Variants in FTO observed in about 807,000 individuals in gnomAD.
FTO encodes the protein FTO alpha-ketoglutarate dependent dioxygenase.
Under a neutral mutation model 63.9 loss-of-function variants are expected in FTO, and 47 were observed. That is an observed-to-expected ratio of 0.74 (90% confidence interval 0.58 to 0.94). The LOEUF (loss-of-function observed/expected upper bound fraction) is 0.94. Ranked by LOEUF, FTO falls within the 40% of genes least tolerant of loss-of-function variation. The probability of loss-of-function intolerance (pLI) is 0.00; values close to 1 mark genes in which losing one functional copy is unlikely to be tolerated. For missense variants in FTO, 562 were observed against 618.1 expected, an observed-to-expected ratio of 0.91 and a Z score of 0.96; for synonymous variants, 207 against 224.4, an observed-to-expected ratio of 0.92 and a Z score of 0.69.
chr16:53,940,425 G>A (rs939819419), intron 8 of FTO, among the ~76,000 whole-genome samples: 7 of 152,180 alleles, frequency 4.6e-5, no homozygotes, highest in Admixed American at 1.3e-4. Context: ...AGCAGTGCAC[G>A]TTTCCCCGTT....
At chr16:54,093,457 A>G (rs1376013440) in intron 8 of FTO, among the ~76,000 whole-genome samples, 1 of 152,210 alleles carries the variant, frequency 6.6e-6, no homozygotes, top group Admixed American at 6.5e-5. Context: ...CAGGCCGGGC[A>G]CGGGGCAGGA....
chr16:53,900,846 C>T (rs1322199614), intron 7 of FTO, among the ~76,000 whole-genome samples: 1 of 152,014 alleles, frequency 6.6e-6, no homozygotes, highest in Non-Finnish European at 1.5e-5. Context: ...AAACACAGAC[C>T]TGCTCGCAAA....
chr16:53,921,435 A>AT lies in FTO; in HGVS notation c.1240-12548dup, dbSNP rs1356004964. Among the ~76,000 whole-genome samples, 5 of 152,294 alleles carry AT rather than the reference A, an allele frequency of 3.3e-5. No homozygotes were observed. The East Asian group carries it at 7.7e-4, about 23-fold the overall frequency. On this transcript the variant is annotated intron_variant, in intron 7 of 8. Coordinates refer to ENST00000471389, the MANE Select transcript of FTO (RefSeq NM_001080432.3). ...TAGGCCAAACATCATCAGTGGCTCA[A>AT]TTATTTCGTACTTGGTATAGTTAGC...
chr16:53,792,893 T>A (rs1160388125), intron 1 of FTO, among the ~76,000 whole-genome samples: 2 of 152,192 alleles, frequency 1.3e-5, no homozygotes, highest in African/African-American at 4.8e-5. Context: ...GGAATTTTAA[T>A]TAGTTCTGTT....
intron 3 of FTO, among the ~76,000 whole-genome samples, chr16:53,830,586 T>C (rs1598769142): frequency 2.0e-5 from 3 of 152,194 alleles, no homozygotes; most frequent in African/African-American, 7.2e-5. Flanking sequence ...TTGACATTAT[T>C]TTCCAGACCT....
chr16:53,979,535 CTGTGTGTGTGTGTGTG>C lies in FTO; in HGVS notation c.1364+45443_1364+45458del, dbSNP rs57334871. 1.1e-4 allele frequency: 41 copies of C among 373,348 alleles called. 1 individual carries two copies. The Admixed American group carries it at 1.6e-3, about 15-fold the overall frequency. The allele number at this position is 373,348 out of a possible 1,614,324, so 23.1% of individuals were successfully genotyped here. A position where few individuals can be genotyped will look rare whatever the true frequency, so the allele number is the denominator to read the frequency against. Reference sequence around the variant, plus strand: ...GATTGGATCTTTTTTATGTTTATGGCTGTGTGTGTGTGTGTGTGTGTGTGTGTGTGTGCGCGCGTGT... The same window carrying C: ...GATTGGATCTTTTTTATGTTTATGGCTGTGTGTGTGTGTGTGCGCGCGTGT... On this transcript the variant is annotated intron_variant, in intron 8 of 8. Coordinates refer to ENST00000471389, the MANE Select transcript of FTO (RefSeq NM_001080432.3).
rs150682269 is a variant in FTO, at chr16:53,841,788, A to G, written c.752-2367A>G. Among the ~76,000 whole-genome samples, 297 of 152,348 alleles carry G rather than the reference A, an allele frequency of 1.9e-3. 1 individual carries two copies. The highest frequency in any genetic ancestry group is 3.4e-3 in the Non-Finnish European group (230 of 68,036). ...ATACATGATACAGCCCAGGGAAAACATGCTTTATTGTGCATTTTGAAAGCT... is the reference window on the plus strand; with the variant it reads ...ATACATGATACAGCCCAGGGAAAACGTGCTTTATTGTGCATTTTGAAAGCT... On this transcript the variant is annotated intron_variant, in intron 3 of 8. Coordinates refer to ENST00000471389, the MANE Select transcript of FTO (RefSeq NM_001080432.3).
chr16:53,873,455 T>C (rs1034682645), intron 4 of FTO, among the ~76,000 whole-genome samples: 2 of 149,770 alleles, frequency 1.3e-5, no homozygotes, highest in South Asian at 2.1e-4. Flanking sequence ...TATGATTATA[T>C]ATATCTACTT....
chr16:53,808,399 C>T (rs1267761653), intron 1 of FTO, among the ~76,000 whole-genome samples: 1 of 152,040 alleles, frequency 6.6e-6, no homozygotes, highest in African/African-American at 2.4e-5. Context: ...TGAGAAAACA[C>T]CTATAGTCAA....
At chr16:53,816,977 A>T (rs2078710532) in intron 2 of FTO, among the ~76,000 whole-genome samples, 1 of 152,054 alleles carries the variant, frequency 6.6e-6, no homozygotes, top group Non-Finnish European at 1.5e-5. Flanking sequence ...CTTCCCAATT[A>T]TTCCCTGCTC....
chr16:53,939,460 G>A (rs1294083844), intron 8 of FTO, among the ~76,000 whole-genome samples: 1 of 152,160 alleles, frequency 6.6e-6, no homozygotes, highest in African/African-American at 2.4e-5. Context: ...CATATATAAC[G>A]TAAAATTGCA....
At position 54,111,956 on chromosome 16, in the gene FTO, C is replaced by A. The variant is rs1489246528; in HGVS notation, c.*41C>A. 3.1e-6 allele frequency: 5 copies of A among 1,610,114 alleles called. No individual in the cohort carries two copies. The African/African-American group carries it at 6.7e-5, about 22-fold the overall frequency. ...CAGGCGGAGGAGAAAAAGAGATCGGCTTTTCTCCTCCAACGTTGTCATGGG... is the reference window on the plus strand; with the variant it reads ...CAGGCGGAGGAGAAAAAGAGATCGGATTTTCTCCTCCAACGTTGTCATGGG... On this transcript the variant is annotated 3_prime_UTR_variant, in exon 9 of 9. Coordinates refer to ENST00000471389, the MANE Select transcript of FTO (RefSeq NM_001080432.3).
chr16:53,797,313 G>C (rs1057250996), intron 1 of FTO, among the ~76,000 whole-genome samples: 5 of 152,072 alleles, frequency 3.3e-5, no homozygotes, highest in African/African-American at 1.2e-4. Flanking sequence ...TTGTTGCTTG[G>C]GACAAATGTA....
intron 6 of FTO, among the ~76,000 whole-genome samples, chr16:53,883,609 C>T (rs995430196): frequency 1.5e-4 from 16 of 107,520 alleles, no homozygotes; most frequent in South Asian, 5.9e-4. Context: ...GCAACAAGGG[C>T]GAAACTCTAT....
In FTO at chr16:53,709,609, A is replaced by G. The variant is rs56956941; in HGVS notation, c.45+5380A>G. 1.5e-3 allele frequency among the ~76,000 whole-genome samples: 224 copies of G among 152,284 alleles called. 1 individual carries two copies. Among genetic ancestry groups the G allele is most frequent in the East Asian group, 3.1e-3 (16 of 5,178 alleles). ...CCTCTGCTGGGGTGGGGCTGGCCCT[A>G]TGCATTTTTTCCCAGATGTTATAAT... On this transcript the variant is annotated intron_variant, in intron 1 of 8. Transcript: ENST00000471389.
At chr16:53,874,285 T>C (rs536648263) in intron 5 of FTO, among the ~76,000 whole-genome samples, 1 of 152,318 alleles carries the variant, frequency 6.6e-6, no homozygotes, top group East Asian at 1.9e-4. Flanking sequence ...TTGGTCAGAC[T>C]TCTGGGCATG....
chr16:54,015,026 A>ATT lies in FTO; in HGVS notation c.1364+80917_1364+80918insTT, dbSNP rs144684813. ...ACACACCACTGCACCTGGCTAATTA[A>ATT]ATTTTTTTTTTCTTTTTAGAGACAT... On this transcript the variant is annotated intron_variant, in intron 8 of 8. Transcript: ENST00000471389. 1.9e-3 allele frequency among the ~76,000 whole-genome samples: 248 copies of ATT among 129,950 alleles called. 1 individual carries two copies. The highest frequency in any genetic ancestry group is 8.6e-3 in the African/African-American group (237 of 27,530). The allele number at this position is 129,950 out of a possible 152,430, so 85.3% of individuals were successfully genotyped here. A position where few individuals can be genotyped will look rare whatever the true frequency, so the allele number is the denominator to read the frequency against.
rs116411044 is a variant in FTO at position 53,904,795 on chromosome 16, C to T, written c.1239+15844C>T. The stretch of plus-strand genomic sequence containing the variant: ...TTCTGATATGATGAGCCTCCTTGGC[C>T]TCTCCTGCTCGCCTCGTTCTTCCTC... On this transcript the variant is annotated intron_variant, in intron 7 of 8. Transcript: ENST00000471389. Among the ~76,000 whole-genome samples, 986 of 152,206 alleles carry T rather than the reference C, an allele frequency of 6.5e-3. 12 individuals are homozygous for T. The highest frequency in any genetic ancestry group is 0.023 in the African/African-American group (946 of 41,540).
Position 53,815,636 on chromosome 16 carries a change from G to GTTTTTTTTTTTTTTTTTTTTTTTT in FTO, c.123+5426_123+5449dup, listed in dbSNP as rs556357629. Among the ~76,000 whole-genome samples, 7 of 98,160 alleles carry GTTTTTTTTTTTTTTTTTTTTTTTT rather than the reference G, an allele frequency of 7.1e-5. 3 individuals carry two copies. Among genetic ancestry groups the GTTTTTTTTTTTTTTTTTTTTTTTT allele is most frequent in the African/African-American group, 3.8e-4 (7 of 18,544 alleles). 64.4% of individuals were successfully genotyped at this position (98,160 alleles called of 152,430 possible). ...ACCCTATAAGGCCATTGACTTTCTT[G>GTTTTTTTTTTTTTTTTTTTTTTTT]TTTTTTTTTTTTTTTTTTTTTTTTT... On this transcript the variant is annotated intron_variant, in intron 2 of 8. Coordinates refer to ENST00000471389, the MANE Select transcript of FTO (RefSeq NM_001080432.3).
Sources: gnomAD v4.1 joint callset for allele counts (sites outside exome capture counted in the v4.1 genomes callset) on GRCh38, gnomAD v4.1.1 for gene constraint, MANE v1.5 for transcripts, NCBI Gene and HGNC (gene_info 2026-07-23, HGNC 2026-07-21) for gene names.